The following ZCCHC18 variants were observed in gnomAD, a reference collection of about 807,000 sequenced individuals.
The protein encoded by ZCCHC18 is zinc finger CCHC-type containing 18, also known as zinc finger CCHC domain-containing protein 18.
For synonymous variants in ZCCHC18, 112 were observed against 115.7 expected (o/e 0.97, Z 0.21); for missense variants, 292 against 305.1 (o/e 0.96, Z 0.32).
rs1266755045 is a variant in ZCCHC18, at chrX:104,115,719, T to G, written c.*396T>G. 1 of 156,068 alleles carries G rather than the reference T, an allele frequency of 6.4e-6. No homozygotes were observed. The highest frequency in any genetic ancestry group is 1.3e-5 in the Non-Finnish European group (1 of 74,415). 12.9% of individuals were successfully genotyped at this position (156,068 alleles called of 1,213,427 possible). ...TTCCAGATATCTCCCTGTACCTGTG[T>G]ACCCAGATAGATATATGTATAGATA... is the stretch of plus-strand genomic sequence containing the variant. On this transcript the variant is annotated 3_prime_UTR_variant, in exon 3 of 3. Transcript: ENST00000650639.
At position 104,115,060 on chromosome X, in the gene ZCCHC18, G is replaced by T; in HGVS notation, c.949G>T (p.Gly317Trp). The T allele has an allele frequency of 2.5e-6, 3 of 1,197,803 alleles. No homozygotes were observed. Among genetic ancestry groups the T allele is most frequent in the South Asian group, 1.8e-5 (1 of 55,037 alleles). ...GGTTATTGATTCCCCCAACAATTCT[G>T]GGGCTCAGTCTCTTTCTACCAGTGG... ...VLVIDSPNNS[G>W]AQSLSTSGGS... The change falls in exon 3 of 3, where the codon GGG becomes TGG. Residue 317 changes from glycine (G) to tryptophan (W), a missense_variant. By Grantham distance (184) the Gly-to-Trp change is radical. Coordinates refer to ENST00000650639, the MANE Select transcript of ZCCHC18 (RefSeq NM_001143978.3).
chrX:104,114,118 A>G lies in ZCCHC18; in HGVS notation c.7A>G (p.Ser3Gly). The change falls in exon 3 of 3, where the codon AGC (serine) becomes GGC (glycine). Residue 3 changes from serine (S) to glycine (G), a missense_variant. Ser to Gly is a moderately conservative substitution (Grantham distance 56, BLOSUM62 0). Transcript: ENST00000650639. The part of the protein sequence containing the change: MA[S>G]ITACVGNSRQ... ...TACCCTATCGTCGTCAGTCATGGCTAGCATCACTGCGTGTGTGGGTAACAG... is the reference window on the plus strand; with the variant it reads ...TACCCTATCGTCGTCAGTCATGGCTGGCATCACTGCGTGTGTGGGTAACAG... 8.3e-7 allele frequency: 1 copy of G among 1,211,603 alleles called. No homozygotes were observed. The highest frequency in any genetic ancestry group is 1.8e-5 in the South Asian group (1 of 56,955).
rs1414052451 is a variant in ZCCHC18, at chrX:104,115,559, GACTTTAT to G, written c.*242_*248del. ...TTCTCCATGTGTCTATTTCTTTGAT[GACTTTAT>G]ACTTTTTATGAAAGGAGCATCTTTT... On this transcript the variant is annotated 3_prime_UTR_variant, in exon 3 of 3. Transcript: ENST00000650639. The G allele has an allele frequency of 5.5e-5, 17 of 307,145 alleles. No individual in the cohort carries two copies. Among genetic ancestry groups the G allele is most frequent in the Middle Eastern group, 9.0e-4 (1 of 1,114 alleles). 25.3% of individuals were successfully genotyped at this position (307,145 alleles called of 1,213,427 possible).
At position 104,114,656 on chromosome X, in the gene ZCCHC18, C is replaced by G; in HGVS notation, c.545C>G (p.Ala182Gly). Reference protein sequence around the residue: ...QTRLQQLLLGAELNRDLRFRL... With the variant: ...QTRLQQLLLGGELNRDLRFRL... ...CGCTTGCAACAGCTTCTTTTAGGCG[C>G]TGAGCTGAATAGGGACCTGCGCTTC... Residue 182 changes from alanine (A) to glycine (G), a missense_variant, in exon 3 of 3, where the codon GCT becomes GGT. Physicochemically the swap from Ala to Gly is moderately conservative, Grantham distance 60. Coordinates refer to ENST00000650639, the MANE Select transcript of ZCCHC18 (RefSeq NM_001143978.3). 1 of 1,212,069 alleles carries G rather than the reference C, an allele frequency of 8.3e-7. No homozygotes were observed. The highest frequency in any genetic ancestry group is 1.8e-5 in the South Asian group (1 of 57,004).
chrX:104,113,734 G>T lies in ZCCHC18; in HGVS notation c.-378G>T, dbSNP rs2075361422. ...TCAGCTCCCAACACTATGTCATCTA[G>T]AATTAGAAGCAACAGTTGTCGCCCC... On this transcript the variant is annotated 5_prime_UTR_variant, in exon 3 of 3. Coordinates refer to ENST00000650639, the MANE Select transcript of ZCCHC18 (RefSeq NM_001143978.3). 1.8e-5 allele frequency: 3 copies of T among 171,306 alleles called. No homozygotes were observed. The highest frequency in any genetic ancestry group is 3.3e-5 in the Non-Finnish European group (3 of 92,098). 14.1% of individuals were successfully genotyped at this position (171,306 alleles called of 1,213,427 possible).
chrX:104,113,885 C>T lies in ZCCHC18; in HGVS notation c.-227C>T. The T allele has an allele frequency of 2.2e-6, 1 of 454,551 alleles. No homozygotes were observed. Among genetic ancestry groups the T allele is most frequent in the Non-Finnish European group, 3.6e-6 (1 of 275,136 alleles). The allele number at this position is 454,551 out of a possible 1,213,427, so 37.5% of individuals were successfully genotyped here. ...TGCAGGGTATTGTTAAGGCACTGGG[C>T]AGATATAAAATGCACTGCAAGGCTA... On this transcript the variant is annotated 5_prime_UTR_variant, in exon 3 of 3. Transcript: ENST00000650639.
In ZCCHC18 at chrX:104,114,201, G is replaced by A. The variant is rs782705545; in HGVS notation, c.90G>A (p.Gly30=). The A allele has an allele frequency of 2.5e-6, 3 of 1,208,717 alleles. No homozygotes were observed. The highest frequency in any genetic ancestry group is 2.2e-6 in the Non-Finnish European group (2 of 893,702). The change falls in exon 3 of 3, where the codon GGG becomes GGA. Residue 30 remains glycine, a synonymous_variant. Transcript: ENST00000650639. ...CCCATTCCATGTTGAGGTCTCTGGG[G>A]AGGAGTCTCTGTCCTTTAGTGGTCA... ...PWAHSMLRSL[G]RSLCPLVVKM...
rs2075364166 is a variant in ZCCHC18, at chrX:104,114,202, A to G, written c.91A>G (p.Arg31Gly). The G allele has an allele frequency of 2.5e-6, 3 of 1,208,385 alleles. No individual in the cohort carries two copies. The highest frequency in any genetic ancestry group is 1.8e-5 in the South Asian group (1 of 56,457). The change falls in exon 3 of 3, where the codon AGG becomes GGG. Residue 31 changes from arginine to glycine, a missense_variant. By Grantham distance (125) the Arg-to-Gly change is moderately radical. Transcript: ENST00000650639. ...WAHSMLRSLG[R>G]SLCPLVVKMA... ...CCATTCCATGTTGAGGTCTCTGGGG[A>G]GGAGTCTCTGTCCTTTAGTGGTCAA...
rs1556360968 is a variant in ZCCHC18, at chrX:104,115,166, G to A, written c.1055G>A (p.Cys352Tyr). Reference protein sequence around the residue: ...KRKYTTRCSYCGEEGHSKETC... With the variant: ...KRKYTTRCSYYGEEGHSKETC... ...AAATACACAACCCGCTGCTCATATT[G>A]TGGGGAGGAGGGCCACTCAAAAGAA... is the stretch of plus-strand genomic sequence containing the variant. Residue 352 changes from cysteine (C) to tyrosine (Y), a missense_variant, in exon 3 of 3, where the codon TGT (cysteine) becomes TAT (tyrosine). Transcript: ENST00000650639. 1 of 1,209,565 alleles carries A rather than the reference G, an allele frequency of 8.3e-7. No individual in the cohort carries two copies. The highest frequency in any genetic ancestry group is 1.1e-6 in the Non-Finnish European group (1 of 894,269).
chrX:104,114,904 G>A lies in ZCCHC18; in HGVS notation c.793G>A (p.Val265Met), dbSNP rs1386019524. 2.5e-6 allele frequency: 3 copies of A among 1,202,935 alleles called. No individual in the cohort carries two copies. Among genetic ancestry groups the A allele is most frequent in the Non-Finnish European group, 3.4e-6 (3 of 890,550 alleles). ...CAGCAGTGCTGACTGTAACTGCAAC[G>A]TGATAGAAATAGATGATACCCTTGA... ...AISSADCNCNVIEIDDTLDDS... is the reference protein window; with the variant it reads ...AISSADCNCNMIEIDDTLDDS... Residue 265 changes from valine (V) to methionine (M), a missense_variant, in exon 3 of 3, where the codon GTG (valine) becomes ATG (methionine). Physicochemically the swap from Val to Met is conservative, Grantham distance 21. Coordinates refer to ENST00000650639, the MANE Select transcript of ZCCHC18 (RefSeq NM_001143978.3).
chrX:104,113,037 T>G (rs2075357116), intron 1 of ZCCHC18, 36 bp downstream of exon 1: 1 of 12,327 alleles, frequency 8.1e-5, no homozygotes, highest in Non-Finnish European at 1.4e-4. Flanking sequence ...GGGGGTGTTG[T>G]TGGGTGTCGG....
In ZCCHC18 at chrX:104,115,350, C is replaced by A. The variant is rs782256267; in HGVS notation, c.*27C>A. ...GATCTAGTCCAGCCCTAAATGAGTC[C>A]TTGACTGTATTCAGAGTCTGGTAAT... On this transcript the variant is annotated 3_prime_UTR_variant, in exon 3 of 3. Transcript: ENST00000650639. 52 of 1,114,614 alleles carry A rather than the reference C, an allele frequency of 4.7e-5. No homozygotes were observed. Among genetic ancestry groups the A allele is most frequent in the Non-Finnish European group, 5.9e-5 (50 of 843,488 alleles). The allele number at this position is 1,114,614 out of a possible 1,213,427, so 91.9% of individuals were successfully genotyped here.
At position 104,114,803 on chromosome X, in the gene ZCCHC18, G is replaced by A. The variant is rs781862778; in HGVS notation, c.692G>A (p.Arg231Gln). 6.6e-6 allele frequency: 8 copies of A among 1,210,643 alleles called. No individual in the cohort carries two copies. Among genetic ancestry groups the A allele is most frequent in the Admixed American group, 2.2e-5 (1 of 45,934 alleles). The change falls in exon 3 of 3, where the codon CGG (arginine) becomes CAG (glutamine). Residue 231 changes from arginine to glutamine, a missense_variant. Transcript: ENST00000650639. ...DWDDAFIKRK[R>Q]PKRSEPIMER... ...GATGATGCTTTTATTAAACGGAAGC[G>A]GCCGAAAAGGTCTGAGCCAATAATG...
At position 104,113,996 on chromosome X, in the gene ZCCHC18, A is replaced by C. The variant is rs2075362583; in HGVS notation, c.-116A>C. 1 of 1,108,356 alleles carries C rather than the reference A, an allele frequency of 9.0e-7. No homozygotes were observed. 91.3% of individuals were successfully genotyped at this position (1,108,356 alleles called of 1,213,427 possible). Reference sequence around the variant, plus strand: ...CTTTTTTACTTTCCTTAGAATCCCTACTGAAATATAAGGCAGGCACAGCCC... The same window carrying C: ...CTTTTTTACTTTCCTTAGAATCCCTCCTGAAATATAAGGCAGGCACAGCCC... On this transcript the variant is annotated 5_prime_UTR_variant, in exon 3 of 3. Coordinates refer to ENST00000650639, the MANE Select transcript of ZCCHC18 (RefSeq NM_001143978.3).
At position 104,114,507 on chromosome X, in the gene ZCCHC18, T is replaced by A; in HGVS notation, c.396T>A (p.Gly132=). Residue 132 remains glycine (G), a synonymous_variant, in exon 3 of 3, where the codon GGT becomes GGA. Transcript: ENST00000650639. ...CTGAAAGCAGTGTGACTGCCCATGG[T>A]AAATTTTTTAACACCCTGCAGGCAC... ...GESESSVTAH[G]KFFNTLQAQG... 8.3e-7 allele frequency: 1 copy of A among 1,211,663 alleles called. No individual in the cohort carries two copies. The highest frequency in any genetic ancestry group is 1.1e-6 in the Non-Finnish European group (1 of 895,522).
chrX:104,114,732 CA>C lies in ZCCHC18; in HGVS notation c.623del (p.Asn208IlefsTer5), dbSNP rs111592182. On this transcript the variant is annotated frameshift_variant, in exon 3 of 3. Coordinates refer to ENST00000650639, the MANE Select transcript of ZCCHC18 (RefSeq NM_001143978.3). LOFTEE classifies it low-confidence loss of function (END_TRUNC). ...ATGCAAATAAGCAGGAGCGGCTTCC[CA>C]ATTTCCTGGAGTTAATCAAGATGAT... is the stretch of plus-strand genomic sequence containing the variant. ...MYANKQERLPNFLELIKMIRE... is the reference protein window; with the variant it reads ...MYANKQERLPXFLELIKMIRE... The C allele has an allele frequency of 8.9e-5, 108 of 1,209,878 alleles. No individual in the cohort carries two copies. The African/African-American group carries it at 1.7e-3, about 19-fold the overall frequency.
At position 104,114,633 on chromosome X, in the gene ZCCHC18, C is replaced by T. The variant is rs188185160; in HGVS notation, c.522C>T (p.Arg174=). ...CTGAGAAAGATGCAAACCAGACTCG[C>T]TTGCAACAGCTTCTTTTAGGCGCTG... is the stretch of plus-strand genomic sequence containing the variant. ...ILAEKDANQT[R]LQQLLLGAEL... is the part of the protein sequence containing the mutation. The change falls in exon 3 of 3, where the codon CGC becomes CGT. Residue 174 remains arginine (R), a synonymous_variant. Coordinates refer to ENST00000650639, the MANE Select transcript of ZCCHC18 (RefSeq NM_001143978.3). 2 of 1,210,299 alleles carry T rather than the reference C, an allele frequency of 1.7e-6. No homozygotes were observed. The highest frequency in any genetic ancestry group is 2.2e-6 in the Non-Finnish European group (2 of 895,355).
Position 104,114,240 on chromosome X carries a change from A to C in ZCCHC18, c.129A>C (p.Arg43Ser), listed in dbSNP as rs782493173. 5.0e-6 allele frequency: 6 copies of C among 1,209,156 alleles called. No individual in the cohort carries two copies. In the East Asian group the frequency reaches 1.2e-4, roughly 24 times the overall value. ...LCPLVVKMAERNMKLFSGRVV... is the reference protein window; with the variant it reads ...LCPLVVKMAESNMKLFSGRVV... ...CTTTAGTGGTCAAAATGGCAGAGAG[A>C]AACATGAAGTTGTTCTCAGGAAGAG... The change falls in exon 3 of 3, where the codon AGA becomes AGC. Residue 43 changes from arginine (R) to serine (S), a missense_variant. Arg to Ser is a moderately radical substitution (Grantham distance 110). Transcript: ENST00000650639.
Position 104,114,782 on chromosome X carries a change from A to C in ZCCHC18, c.671A>C (p.Asp224Ala). 8.3e-7 allele frequency: 1 copy of C among 1,211,761 alleles called. No individual in the cohort carries two copies. Among genetic ancestry groups the C allele is most frequent in the African/African-American group, 1.7e-5 (1 of 57,896 alleles). Reference protein sequence around the residue: ...KMIREEEDWDDAFIKRKRPKR... With the variant: ...KMIREEEDWDAAFIKRKRPKR... ...ATAAGGGAGGAAGAGGATTGGGATGATGCTTTTATTAAACGGAAGCGGCCG... is the reference window on the plus strand; with the variant it reads ...ATAAGGGAGGAAGAGGATTGGGATGCTGCTTTTATTAAACGGAAGCGGCCG... The change falls in exon 3 of 3, where the codon GAT (aspartate) becomes GCT (alanine). Residue 224 changes from aspartate to alanine, a missense_variant. Asp to Ala is a moderately radical substitution (Grantham distance 126). Coordinates refer to ENST00000650639, the MANE Select transcript of ZCCHC18 (RefSeq NM_001143978.3).
Sources: allele counts gnomAD v4.1 joint callset, GRCh38; gene constraint gnomAD v4.1.1; transcripts MANE v1.5; gene names NCBI Gene and HGNC (gene_info 2026-07-23, HGNC 2026-07-21).